Variants in USH2A observed in about 807,000 individuals in gnomAD.
USH2A encodes the protein Usher syndrome 2A (autosomal recessive, mild).
Under a neutral mutation model 538.9 loss-of-function variants are expected in USH2A, and 443 were observed. The observed-to-expected ratio is 0.82, with a 90% CI of 0.76 to 0.89. The LOEUF is 0.89. USH2A is among the 40% of genes least tolerant of loss of function. The pLI is 0.00. For missense variants in USH2A, 6,633 were observed against 6,324.8 expected (o/e 1.05, Z -1.65); for synonymous variants, 2,413 against 2,273.5 (o/e 1.06, Z -1.75).
intron 50 of USH2A, among the ~76,000 whole-genome samples, chr1:215,793,277 T>A (rs1038923610): frequency 6.6e-6 from 1 of 152,126 alleles, no homozygotes; most frequent in African/African-American, 2.4e-5. Flanking sequence ...AATAGTATAG[T>A]AGTAAAATCC....
chr1:216,141,388 G>A (rs1471200633), intron 21 of USH2A, among the ~76,000 whole-genome samples: 1 of 152,192 alleles, frequency 6.6e-6, no homozygotes, highest in Non-Finnish European at 1.5e-5. Context: ...CATCACAGGA[G>A]TCTACAGAGG....
intron 35 of USH2A, among the ~76,000 whole-genome samples, chr1:215,986,405 C>A (rs1667876341): frequency 6.6e-6 from 1 of 151,326 alleles, no homozygotes; most frequent in Non-Finnish European, 1.5e-5. Flanking sequence ...CCTCGACCTC[C>A]CAAATTGCTG....
At chr1:216,070,071 G>C (rs1394702356) in intron 30 of USH2A, 30 bp downstream of exon 30, 5 of 1,611,464 alleles carry the variant, frequency 3.1e-6, no homozygotes, top group South Asian at 2.2e-5. Context: ...GAAGTTAATA[G>C]GGTCTACTCT....
At chr1:215,865,665 T>G (rs991857302) in intron 44 of USH2A, among the ~76,000 whole-genome samples, 1 of 152,200 alleles carries the variant, frequency 6.6e-6, no homozygotes, top group Non-Finnish European at 1.5e-5. Context: ...TAAGCATCAA[T>G]TAACTTATAT....
intron 21 of USH2A, among the ~76,000 whole-genome samples, chr1:216,101,508 G>A (rs2032576983): frequency 6.6e-6 from 1 of 152,202 alleles, no homozygotes; most frequent in Admixed American, 6.5e-5. Context: ...ATACAGCTGT[G>A]TAGTTGAACT....
chr1:215,739,506 T>A (rs1481521430), intron 60 of USH2A, among the ~76,000 whole-genome samples: 3 of 152,188 alleles, frequency 2.0e-5, no homozygotes, highest in Non-Finnish European at 4.4e-5. Context: ...TTATTCTGAA[T>A]AGGAATTTGA....
chr1:215,758,032 C>T (rs1441034324), intron 58 of USH2A, among the ~76,000 whole-genome samples: 2 of 152,028 alleles, frequency 1.3e-5, no homozygotes, highest in African/African-American at 4.8e-5. Context: ...GCCTGTAATC[C>T]CAGCACTTTG....
rs1473753013 is a variant in USH2A at position 216,037,540 on chromosome 1, A to G, written c.6325+8891T>C. ...ATTGTACTGGTAAAGCCATATTTCA[A>G]CTCCTATTACAATTATTTGATAAAA... On this transcript the variant is annotated intron_variant, in intron 32 of 71. Coordinates refer to ENST00000307340, the MANE Select transcript of USH2A (RefSeq NM_206933.4). Among the ~76,000 whole-genome samples the G allele has an allele frequency of 2.6e-5, 4 of 151,968 alleles. No individual in the cohort carries two copies. In the East Asian group the frequency reaches 5.8e-4, roughly 22 times the overall value.
At chr1:216,210,184 T>C (rs2035209055) in intron 15 of USH2A, among the ~76,000 whole-genome samples, 1 of 152,014 alleles carries the variant, frequency 6.6e-6, no homozygotes, top group Non-Finnish European at 1.5e-5. Flanking sequence ...AAATCACATT[T>C]CTACATAGTT....
At chr1:216,395,309 T>C (rs1175565262) in intron 3 of USH2A, among the ~76,000 whole-genome samples, 1 of 152,196 alleles carries the variant, frequency 6.6e-6, no homozygotes. Context: ...AACTTAACAT[T>C]ATTGGGTCTC....
At chr1:215,884,124 G>A (rs145633257) in intron 41 of USH2A, among the ~76,000 whole-genome samples, 6 of 152,040 alleles carry the variant, frequency 3.9e-5, no homozygotes, top group Non-Finnish European at 8.8e-5. Context: ...TGCATGCAGG[G>A]CTTAAAACCT....
intron 4 of USH2A, among the ~76,000 whole-genome samples, chr1:216,361,201 C>T (rs2038484586): frequency 6.6e-6 from 1 of 152,090 alleles, no homozygotes; most frequent in Admixed American, 6.6e-5. Context: ...GTTAATTACA[C>T]ATTCAGGTGG....
intron 38 of USH2A, among the ~76,000 whole-genome samples, chr1:215,917,837 C>A (rs7550915): frequency 0.13 from 20,123 of 149,672 alleles, 1,478 homozygotes; most frequent in Non-Finnish European, 0.15. Flanking sequence ...GTGGTGCATG[C>A]CTGTATTGCC....
chr1:216,394,819 C>T (rs1228509463), intron 3 of USH2A, among the ~76,000 whole-genome samples: 11 of 150,428 alleles, frequency 7.3e-5, no homozygotes, highest in African/African-American at 1.5e-4. Context: ...CCCGGGTTCA[C>T]GCCATTCTCC....
chr1:215,902,605 T>C (rs1665530827), intron 38 of USH2A, among the ~76,000 whole-genome samples: 1 of 151,950 alleles, frequency 6.6e-6, no homozygotes, highest in African/African-American at 2.4e-5. Context: ...AATAAAGCAG[T>C]GTAAGGAAAG....
At chr1:216,133,665 A>G (rs1236544654) in intron 21 of USH2A, among the ~76,000 whole-genome samples, 1 of 152,130 alleles carries the variant, frequency 6.6e-6, no homozygotes, top group African/African-American at 2.4e-5. Context: ...ATGCTCCACA[A>G]ACCCATTATG....
rs533496259 is a variant in USH2A, at chr1:215,721,818, C to T, written c.12066+6212G>A. ...GTGGCTCAAGCCTGTAATTCCAACA[C>T]TTTGGGACGCCGCAGCGGGAGGATC... On this transcript the variant is annotated intron_variant, in intron 61 of 71. Transcript: ENST00000307340. Among the ~76,000 whole-genome samples the T allele has an allele frequency of 6.3e-4, 96 of 152,256 alleles. 1 individual carries two copies. The South Asian group carries it at 0.011, about 18-fold the overall frequency.
Position 215,680,327 on chromosome 1 carries a change from T to C in USH2A, c.12116A>G (p.Tyr4039Cys), listed in dbSNP as rs1658185167. The stretch of plus-strand genomic sequence containing the variant: ...GTTTGCAGCCACAACACCAATGCGA[T>C]ATGTTGTGAATGGTTCTAACCCGTA... Reference protein sequence around the residue: ...HLYGLEPFTTYRIGVVAANHA... With the variant: ...HLYGLEPFTTCRIGVVAANHA... Residue 4039 changes from tyrosine (Y) to cysteine (C), a missense_variant, in exon 62 of 72, where the codon TAT becomes TGT. Physicochemically the swap from Tyr to Cys is radical, Grantham distance 194 (BLOSUM62 -2). Transcript: ENST00000307340. The C allele has an allele frequency of 6.2e-7, 1 of 1,614,104 alleles. No homozygotes were observed. Among genetic ancestry groups the C allele is most frequent in the Non-Finnish European group, 8.5e-7 (1 of 1,179,982 alleles).
intron 55 of USH2A, among the ~76,000 whole-genome samples, chr1:215,770,717 T>C (rs1161834000): frequency 6.6e-6 from 1 of 152,074 alleles, no homozygotes; most frequent in East Asian, 1.9e-4. Flanking sequence ...CCACACTAAC[T>C]TTCTGCTGTG....
Sources: gnomAD v4.1 joint callset for allele counts (sites outside exome capture counted in the v4.1 genomes callset) on GRCh38, gnomAD v4.1.1 for gene constraint, MANE v1.5 for transcripts, NCBI Gene and HGNC (gene_info 2026-07-23, HGNC 2026-07-21) for gene names.